Variants in PTPRD observed in about 807,000 individuals in gnomAD.
PTPRD encodes the protein receptor-type tyrosine-protein phosphatase delta.
A neutral mutation model predicts 214.5 loss-of-function variants in PTPRD; 34 were observed. The observed-to-expected ratio is 0.16, with a 90% confidence interval of 0.12 to 0.21. The LOEUF is 0.21. Ranked by LOEUF, PTPRD falls within the 10% of genes least tolerant of loss-of-function variation. PTPRD has a pLI of 1.00. For synonymous variants in PTPRD, 1,128 were observed against 845.7 expected (o/e 1.33, Z -5.79); for missense variants, 2,545 against 2,398.7 (o/e 1.06, Z -1.27).
intron 9 of PTPRD, among the ~76,000 whole-genome samples, chr9:9,330,189 G>A (rs965511674): frequency 6.6e-6 from 1 of 151,880 alleles, no homozygotes; most frequent in Non-Finnish European, 1.5e-5. Context: ...TTGATTTCCT[G>A]ACACCCAAAA....
At chr9:9,821,095 T>C (rs898416500) in intron 5 of PTPRD, among the ~76,000 whole-genome samples, 4 of 152,220 alleles carry the variant, frequency 2.6e-5, no homozygotes, top group Non-Finnish European at 4.4e-5. Flanking sequence ...ACATTGATTA[T>C]TTCAATCCAT....
At chr9:8,396,030 G>A (rs1024706638) in intron 36 of PTPRD, among the ~76,000 whole-genome samples, 2 of 151,908 alleles carry the variant, frequency 1.3e-5, no homozygotes, top group African/African-American at 4.8e-5. Context: ...TAATAAGGAG[G>A]CAATTATTAT....
At chr9:10,402,548 A>G (rs2098286874) in intron 2 of PTPRD, among the ~76,000 whole-genome samples, 1 of 151,870 alleles carries the variant, frequency 6.6e-6, no homozygotes, top group Admixed American at 6.6e-5. Flanking sequence ...TCATAGTAAA[A>G]TATCTTTTTA....
chr9:8,721,642 C>T (rs760031891), intron 12 of PTPRD, among the ~76,000 whole-genome samples: 1 of 151,974 alleles, frequency 6.6e-6, no homozygotes, highest in Non-Finnish European at 1.5e-5. Context: ...TACTAAACAC[C>T]TTACATTGCT....
chr9:9,518,225 A>G (rs1033009258), intron 8 of PTPRD, among the ~76,000 whole-genome samples: 10 of 152,108 alleles, frequency 6.6e-5, no homozygotes, highest in Non-Finnish European at 4.4e-5. Flanking sequence ...AGTATAAGTT[A>G]GAGACAAAGC....
intron 7 of PTPRD, among the ~76,000 whole-genome samples, chr9:9,712,519 C>T (rs979537131): frequency 6.6e-6 from 1 of 152,160 alleles, no homozygotes; most frequent in Non-Finnish European, 1.5e-5. Flanking sequence ...AAATACTACC[C>T]CACGAGTAAA....
intron 2 of PTPRD, among the ~76,000 whole-genome samples, chr9:10,519,879 T>C (rs2051575518): frequency 6.6e-6 from 1 of 152,176 alleles, no homozygotes; most frequent in South Asian, 2.1e-4. Flanking sequence ...TGTTCCAAAG[T>C]CCTGCATCCC....
intron 2 of PTPRD, among the ~76,000 whole-genome samples, chr9:10,523,659 A>AG (rs2053282208): frequency 1.4e-5 from 2 of 140,982 alleles, no homozygotes; most frequent in Admixed American, 7.2e-5. Flanking sequence ...AGAGAGAGAA[A>AG]TAAAGAGAGA....
chr9:8,593,191 T>C (rs554463116), intron 14 of PTPRD, among the ~76,000 whole-genome samples: 2 of 152,322 alleles, frequency 1.3e-5, no homozygotes, highest in South Asian at 2.1e-4. Context: ...AAGCATTTGA[T>C]TGAAAAAAGA....
At chr9:9,010,879 A>C (rs1304270499) in intron 11 of PTPRD, among the ~76,000 whole-genome samples, 1 of 152,192 alleles carries the variant, frequency 6.6e-6, no homozygotes, top group Non-Finnish European at 1.5e-5. Context: ...ATTGGCAGAC[A>C]AATATTATCC....
intron 5 of PTPRD, among the ~76,000 whole-genome samples, chr9:9,847,885 A>G (rs1412376554): frequency 6.6e-6 from 1 of 152,072 alleles, no homozygotes; most frequent in Non-Finnish European, 1.5e-5. Flanking sequence ...TAGGTGATGT[A>G]CATCACACTT....
chr9:9,329,680 T>C (rs2041570450), intron 9 of PTPRD, among the ~76,000 whole-genome samples: 4 of 152,192 alleles, frequency 2.6e-5, no homozygotes, highest in African/African-American at 9.6e-5. Context: ...GATCACATAA[T>C]TGTTACAACA....
chr9:9,257,010 G>T (rs62534655), intron 9 of PTPRD, among the ~76,000 whole-genome samples: 45,803 of 151,820 alleles, frequency 0.3, 7,157 homozygotes, highest in Middle Eastern at 0.36. Context: ...TTCTTTAAGG[G>T]TTGTTCCCTC....
chr9:10,143,938 T>C (rs1414599465), intron 3 of PTPRD, among the ~76,000 whole-genome samples: 1 of 152,052 alleles, frequency 6.6e-6, no homozygotes, highest in African/African-American at 2.4e-5. Context: ...ATTCAGAAAC[T>C]ACCTATTAGG....
At chr9:8,372,566 G>A (rs1412630792) in intron 39 of PTPRD, among the ~76,000 whole-genome samples, 2 of 151,980 alleles carry the variant, frequency 1.3e-5, no homozygotes, top group Non-Finnish European at 2.9e-5. Flanking sequence ...TCCAGAGTGT[G>A]TACTCTCAAT....
intron 11 of PTPRD, among the ~76,000 whole-genome samples, chr9:8,924,724 C>T (rs946464256): frequency 6.6e-6 from 1 of 152,126 alleles, no homozygotes; most frequent in Non-Finnish European, 1.5e-5. Context: ...GCTGTCTCAT[C>T]ATCCCTACCC....
At chr9:10,142,473 C>G (rs2098992837) in intron 3 of PTPRD, among the ~76,000 whole-genome samples, 1 of 152,068 alleles carries the variant, frequency 6.6e-6, no homozygotes, top group Non-Finnish European at 1.5e-5. Context: ...AGGACATGAA[C>G]AGACACTTCT....
At chr9:8,457,888 T>C (rs7044709) in intron 33 of PTPRD, among the ~76,000 whole-genome samples, 46,461 of 151,928 alleles carry the variant, frequency 0.31, 7,447 homozygotes, top group African/African-American at 0.42. Flanking sequence ...CTATTTATTA[T>C]GTAATTAACT....
At chr9:9,538,242 C>A (rs1048009448) in intron 8 of PTPRD, among the ~76,000 whole-genome samples, 6 of 151,842 alleles carry the variant, frequency 4.0e-5, no homozygotes, top group African/African-American at 1.4e-4. Flanking sequence ...GGGATAAAAA[C>A]CCTCACTACT....
Sources: gnomAD v4.1 joint callset for allele counts (sites outside exome capture counted in the v4.1 genomes callset) on GRCh38, gnomAD v4.1.1 for gene constraint, MANE v1.5 for transcripts, NCBI Gene and HGNC (gene_info 2026-07-23, HGNC 2026-07-21) for gene names.